PTPRT: variants seen among roughly 807,000 people sequenced by gnomAD.
The protein encoded by PTPRT is protein tyrosine phosphatase receptor type T, also known as receptor-type tyrosine-protein phosphatase T.
A neutral mutation model predicts 176.8 loss-of-function variants in PTPRT; 56 were observed. The observed-to-expected ratio is 0.32, with a 90% CI of 0.26 to 0.40. The LOEUF is 0.40. Ranked by LOEUF, PTPRT falls within the 10% of genes least tolerant of loss-of-function variation. PTPRT has a pLI of 1.00. For missense variants in PTPRT, 1,540 were observed against 1,908.2 expected (o/e 0.81, Z 3.60); for synonymous variants, 783 against 739.0 (o/e 1.06, Z -0.96).
At chr20:42,777,420 T>C (rs1257194080) in intron 4 of PTPRT, among the ~76,000 whole-genome samples, 13 of 152,180 alleles carry the variant, frequency 8.5e-5, no homozygotes, top group African/African-American at 2.9e-4. Flanking sequence ...CTCCTGTGAT[T>C]TGAGTCCCAG....
chr20:42,304,343 TA>T (rs1430415238), intron 12 of PTPRT, among the ~76,000 whole-genome samples: 1 of 152,156 alleles, frequency 6.6e-6, no homozygotes, highest in Non-Finnish European at 1.5e-5. Flanking sequence ...TTCCTGAGTG[TA>T]CCTCTATGCT....
chr20:42,136,443 C>G (rs376605098), intron 18 of PTPRT, among the ~76,000 whole-genome samples: 1 of 152,094 alleles, frequency 6.6e-6, no homozygotes, highest in African/African-American at 2.4e-5. Flanking sequence ...GATTGAATTA[C>G]CATTATCAAG....
At chr20:42,671,187 G>A (rs1224736456) in intron 7 of PTPRT, among the ~76,000 whole-genome samples, 3 of 152,136 alleles carry the variant, frequency 2.0e-5, no homozygotes, top group Non-Finnish European at 4.4e-5. Context: ...ACTCCCAATA[G>A]TTAATGCTAG....
intron 9 of PTPRT, among the ~76,000 whole-genome samples, chr20:42,434,795 C>G (rs1601018940): frequency 2.5e-5 from 3 of 120,560 alleles, no homozygotes; most frequent in African/African-American, 8.3e-5. Context: ...AACCCCGTCT[C>G]TATTAAAAAT....
intron 7 of PTPRT, among the ~76,000 whole-genome samples, chr20:42,504,106 A>G (rs560308590): frequency 6.6e-6 from 1 of 152,152 alleles, no homozygotes; most frequent in East Asian, 1.9e-4. Context: ...CTTCAGGGGA[A>G]TTGTGATTTA....
At chr20:42,962,035 C>T (rs545942710) in intron 1 of PTPRT, among the ~76,000 whole-genome samples, 3 of 152,320 alleles carry the variant, frequency 2.0e-5, no homozygotes, top group Admixed American at 1.3e-4. Flanking sequence ...CCTGCTGTCA[C>T]CCTGCTGAGT....
intron 2 of PTPRT, among the ~76,000 whole-genome samples, chr20:42,818,989 T>C (rs1032644967): frequency 6.6e-6 from 1 of 152,102 alleles, no homozygotes; most frequent in Non-Finnish European, 1.5e-5. Context: ...CAGGATATTA[T>C]CCAGGAGAAC....
At chr20:43,069,502 T>C (rs1354536697) in intron 1 of PTPRT, among the ~76,000 whole-genome samples, 1 of 152,234 alleles carries the variant, frequency 6.6e-6, no homozygotes, top group African/African-American at 2.4e-5. Context: ...AAAAAGGCTG[T>C]AATAAATAAT....
At chr20:42,046,838 G>A in the PTPRT span, among the ~76,000 whole-genome samples, 1 of 152,100 alleles carries the variant, frequency 6.6e-6, no homozygotes, top group African/African-American at 2.4e-5. Context: ...GAGGGACACA[G>A]GATTCCTGGC....
At chr20:42,692,466 G>C (rs1457458108) in intron 6 of PTPRT, among the ~76,000 whole-genome samples, 2 of 152,164 alleles carry the variant, frequency 1.3e-5, no homozygotes, top group East Asian at 3.9e-4. Context: ...CTCAAGAGAT[G>C]CTGAGGAAGC....
chr20:42,051,656 G>C, the PTPRT span, among the ~76,000 whole-genome samples: 59 of 152,178 alleles, frequency 3.9e-4, no homozygotes, highest in Non-Finnish European at 1.5e-4. Context: ...GGGGAACAAG[G>C]GGGAGAGAGG....
intron 1 of PTPRT, among the ~76,000 whole-genome samples, chr20:43,079,866 C>T (rs1435130568): frequency 6.6e-6 from 1 of 152,138 alleles, no homozygotes; most frequent in Non-Finnish European, 1.5e-5. Context: ...AATGCATTAG[C>T]CAGAAGCTTT....
chr20:42,073,216 G>A lies in PTPRT; in HGVS notation c.*7663C>T, dbSNP rs552813315. 9.6e-4 allele frequency: 182 copies of A among 189,204 alleles called. No individual in the cohort carries two copies. The highest frequency in any genetic ancestry group is 4.0e-3 in the African/African-American group (170 of 42,902). 11.7% of individuals were successfully genotyped at this position (189,204 alleles called of 1,614,324 possible). On this transcript the variant is annotated 3_prime_UTR_variant, in exon 31 of 31. Coordinates refer to ENST00000373187, the MANE Select transcript of PTPRT (RefSeq NM_007050.6). ...CGGGAACCTTGGGATAGCTTGTGAG[G>A]GTGTCCAGAAGCCAAGGCAATGGTA... is the stretch of plus-strand genomic sequence containing the variant.
intron 4 of PTPRT, among the ~76,000 whole-genome samples, chr20:42,774,872 G>T (rs2077111928): frequency 6.6e-6 from 1 of 152,124 alleles, no homozygotes; most frequent in Non-Finnish European, 1.5e-5. Flanking sequence ...TGCTTATGTG[G>T]GGGGCCTGTA....
chr20:42,296,494 C>G (rs754462772), intron 12 of PTPRT, among the ~76,000 whole-genome samples: 13 of 149,586 alleles, frequency 8.7e-5, no homozygotes, highest in Admixed American at 6.7e-5. Context: ...AAGGTAACTA[C>G]TAGAACAGAA....
intron 1 of PTPRT, among the ~76,000 whole-genome samples, chr20:43,183,012 G>C (rs777906296): frequency 6.6e-6 from 1 of 152,050 alleles, no homozygotes; most frequent in South Asian, 2.1e-4. Flanking sequence ...AAAGTTATTC[G>C]TGTCTTTAAT....
chr20:42,890,687 C>T (rs1235055152), intron 1 of PTPRT, among the ~76,000 whole-genome samples: 2 of 152,092 alleles, frequency 1.3e-5, no homozygotes, highest in Non-Finnish European at 2.9e-5. Flanking sequence ...TGTCTTGGAG[C>T]AATTCCTAGT....
intron 1 of PTPRT, among the ~76,000 whole-genome samples, chr20:42,939,115 C>G (rs1980388040): frequency 6.6e-6 from 1 of 152,194 alleles, no homozygotes; most frequent in Non-Finnish European, 1.5e-5. Flanking sequence ...CCAACTCGCT[C>G]ACATTTGCAT....
chr20:42,204,257 G>A (rs748332239), intron 15 of PTPRT, among the ~76,000 whole-genome samples: 1 of 151,824 alleles, frequency 6.6e-6, no homozygotes, highest in African/African-American at 2.4e-5. Context: ...GATTTCCCCC[G>A]CAGAGCCCAC....
Sources: gnomAD v4.1 joint callset for allele counts (sites outside exome capture counted in the v4.1 genomes callset) on GRCh38, gnomAD v4.1.1 for gene constraint, MANE v1.5 for transcripts, NCBI Gene and HGNC (gene_info 2026-07-23, HGNC 2026-07-21) for gene names.